The following NTM variants were observed in gnomAD, a reference collection of about 807,000 sequenced individuals.
The protein encoded by NTM is IgLON family member 2.
NTM carries 13 observed loss-of-function variants against 42.1 expected under a neutral mutation model. That is an observed-to-expected ratio of 0.31 (90% CI 0.20 to 0.49). NTM has a LOEUF of 0.49. Among genes scored for constraint, NTM ranks in the 20% least tolerant of loss-of-function variants. The pLI is 0.99. For missense variants in NTM, 373 were observed against 452.8 expected (o/e 0.82, Z 1.60); for synonymous variants, 187 against 179.2 (o/e 1.04, Z -0.35).
intron 1 of NTM, among the ~76,000 whole-genome samples, chr11:131,751,772 C>T (rs902761113): frequency 6.8e-5 from 10 of 147,490 alleles, no homozygotes; most frequent in Non-Finnish European, 1.5e-4. Flanking sequence ...CTCACCCCCC[C>T]CCAAAATATA....
At chr11:131,479,783 C>A (rs1253884473) in intron 1 of NTM, among the ~76,000 whole-genome samples, 2 of 152,104 alleles carry the variant, frequency 1.3e-5, no homozygotes, top group Non-Finnish European at 2.9e-5. Context: ...AGGTGATATG[C>A]AATTGTGTGT....
chr11:132,174,841 G>A (rs1268576989), intron 3 of NTM, among the ~76,000 whole-genome samples: 2 of 152,096 alleles, frequency 1.3e-5, no homozygotes, highest in African/African-American at 4.8e-5. Context: ...GTCTGTTTGT[G>A]TTCAGATTAT....
intron 1 of NTM, among the ~76,000 whole-genome samples, chr11:131,906,228 C>A (rs1353259011): frequency 6.6e-6 from 1 of 152,074 alleles, no homozygotes; most frequent in Admixed American, 6.6e-5. Flanking sequence ...ATCATGGTAA[C>A]CTGTCCTCTG....
intron 1 of NTM, among the ~76,000 whole-genome samples, chr11:131,528,632 T>C (rs1223185997): frequency 6.6e-6 from 1 of 152,258 alleles, no homozygotes; most frequent in Non-Finnish European, 1.5e-5. Context: ...CCAGTTCTGC[T>C]GCTAACTGGA....
chr11:131,518,181 A>G (rs2049134337), intron 1 of NTM, among the ~76,000 whole-genome samples: 1 of 152,194 alleles, frequency 6.6e-6, no homozygotes, highest in South Asian at 2.1e-4. Flanking sequence ...TTCCTGTCCT[A>G]GTGGAGCTTA....
At chr11:132,279,047 G>A (rs553831910) in intron 4 of NTM, among the ~76,000 whole-genome samples, 47 of 152,212 alleles carry the variant, frequency 3.1e-4, no homozygotes, top group African/African-American at 1.1e-3. Context: ...ATGCAACATG[G>A]TGTTTCTTCT....
chr11:131,892,199 T>C (rs1397244906), intron 1 of NTM, among the ~76,000 whole-genome samples: 1 of 152,184 alleles, frequency 6.6e-6, no homozygotes, highest in Non-Finnish European at 1.5e-5. Flanking sequence ...TCTTCCCATT[T>C]AAGGCTTGGT....
chr11:132,225,938 C>T (rs980943498), intron 4 of NTM, among the ~76,000 whole-genome samples: 3 of 152,094 alleles, frequency 2.0e-5, no homozygotes, highest in African/African-American at 4.8e-5. Context: ...GTTCAGCTCC[C>T]ACTTATGAGT....
chr11:132,123,077 C>A (rs1243922677), intron 2 of NTM, among the ~76,000 whole-genome samples: 1 of 152,202 alleles, frequency 6.6e-6, no homozygotes, highest in Non-Finnish European at 1.5e-5. Context: ...TCCCCGTCAG[C>A]CTTGCTTCTC....
intron 1 of NTM, among the ~76,000 whole-genome samples, chr11:131,428,904 A>T (rs2135894542): frequency 7.4e-6 from 1 of 135,006 alleles, no homozygotes; most frequent in African/African-American, 2.7e-5. Flanking sequence ...AAAAAAAAAA[A>T]ATTAGCCAGG....
At chr11:131,504,981 G>A (rs1304838054) in intron 1 of NTM, among the ~76,000 whole-genome samples, 1 of 152,146 alleles carries the variant, frequency 6.6e-6, no homozygotes, top group Admixed American at 6.5e-5. Flanking sequence ...CTGGACAACA[G>A]GCAGAGGCTG....
chr11:131,887,582 A>T (rs2050611581), intron 1 of NTM, among the ~76,000 whole-genome samples: 1 of 152,254 alleles, frequency 6.6e-6, no homozygotes, highest in Non-Finnish European at 1.5e-5. Context: ...CCAATTCTAA[A>T]AAAACTACAG....
chr11:132,188,725 T>C (rs962821048), intron 3 of NTM, among the ~76,000 whole-genome samples: 1 of 152,194 alleles, frequency 6.6e-6, no homozygotes, highest in East Asian at 1.9e-4. Flanking sequence ...TACACATAAC[T>C]GTATCTCACA....
At chr11:131,763,220 C>T (rs138933987) in intron 1 of NTM, among the ~76,000 whole-genome samples, 144 of 152,314 alleles carry the variant, frequency 9.5e-4, no homozygotes, top group African/African-American at 3.2e-3. Context: ...AGTCAGTCAA[C>T]TGGATATTTG....
chr11:132,307,490 C>T (rs2095130472), intron 4 of NTM, among the ~76,000 whole-genome samples, 199 bp from the exon 5 acceptor site: 1 of 152,188 alleles, frequency 6.6e-6, no homozygotes, highest in South Asian at 2.1e-4. Flanking sequence ...AGCTGTTCCA[C>T]TGGGGAGCCA....
chr11:131,529,709 A>G (rs2050978474), intron 1 of NTM, among the ~76,000 whole-genome samples: 2 of 152,116 alleles, frequency 1.3e-5, no homozygotes, highest in Admixed American at 1.3e-4. Flanking sequence ...AGAAAAATCA[A>G]AAGAAAGACT....
chr11:131,613,652 C>T (rs973075702), intron 1 of NTM, among the ~76,000 whole-genome samples: 6 of 152,096 alleles, frequency 3.9e-5, no homozygotes, highest in Non-Finnish European at 7.4e-5. Context: ...GAGCCAGGCG[C>T]GATGCTGAGA....
chr11:131,439,054 G>C (rs1199171917), intron 1 of NTM, among the ~76,000 whole-genome samples: 1 of 152,176 alleles, frequency 6.6e-6, no homozygotes, highest in Admixed American at 6.5e-5. Flanking sequence ...CTCAGCTGCA[G>C]GTCTGTTGGA....
At chr11:131,712,173 T>TAA (rs369228119) in intron 1 of NTM, among the ~76,000 whole-genome samples, 41 of 134,006 alleles carry the variant, frequency 3.1e-4, no homozygotes, top group South Asian at 7.1e-4. Context: ...ATTAAAAAAT[T>TAA]AAAAAAAAAA....
Sources: gnomAD v4.1 joint callset for allele counts (sites outside exome capture counted in the v4.1 genomes callset) on GRCh38, gnomAD v4.1.1 for gene constraint, MANE v1.5 for transcripts, NCBI Gene and HGNC (gene_info 2026-07-23, HGNC 2026-07-21) for gene names.